IKBKB: variants seen among roughly 807,000 people sequenced by gnomAD.
The protein encoded by IKBKB is inhibitor of nuclear factor kappa-B kinase subunit beta.
In IKBKB, 42 loss-of-function variants were observed where a neutral mutation model predicts 113.6. The observed-to-expected ratio is 0.37, with a 90% CI of 0.29 to 0.48. The LOEUF is 0.48. Ranked by LOEUF, IKBKB falls within the 20% of genes least tolerant of loss-of-function variation. The pLI is 0.99. For synonymous variants in IKBKB, 296 were observed against 361.3 expected, an observed-to-expected ratio of 0.82 and a Z score of 2.05; for missense variants, 673 against 939.7, an observed-to-expected ratio of 0.72 and a Z score of 3.71.
chr8:42,328,243 G>A (rs1172960579), intron 20 of IKBKB, among the ~76,000 whole-genome samples: 7 of 148,798 alleles, frequency 4.7e-5, no homozygotes, highest in African/African-American at 1.7e-4. Flanking sequence ...CACCGCACCC[G>A]GCCCTTTTTT....
At chr8:42,311,764 C>T (rs1585734120) in intron 8 of IKBKB, among the ~76,000 whole-genome samples, 1 of 151,996 alleles carries the variant, frequency 6.6e-6, no homozygotes, top group Non-Finnish European at 1.5e-5. Flanking sequence ...AGGCATTGCT[C>T]CTTTAGCTAC....
At chr8:42,273,406 C>A (rs1364870860) in intron 2 of IKBKB, among the ~76,000 whole-genome samples, 1 of 144,304 alleles carries the variant, frequency 6.9e-6, no homozygotes, top group South Asian at 2.1e-4. Context: ...CAGAATGAGA[C>A]CCTGTCTCAA....
chr8:42,300,979 C>G (rs1489679204), intron 5 of IKBKB, among the ~76,000 whole-genome samples: 1 of 152,200 alleles, frequency 6.6e-6, no homozygotes, highest in Admixed American at 6.5e-5. Context: ...CTCAGTCTCC[C>G]ACGTAGCTGG....
At chr8:42,271,709 C>T (rs895126300) in intron 1 of IKBKB, 10 of 514,864 alleles carry the variant, frequency 1.9e-5, no homozygotes, top group African/African-American at 4.1e-5. Flanking sequence ...TGTAAAGAAA[C>T]ACGTGACCTC....
chr8:42,290,431 T>C (rs998972287), intron 4 of IKBKB, among the ~76,000 whole-genome samples, 158 bp downstream of exon 4: 11 of 152,050 alleles, frequency 7.2e-5, no homozygotes, highest in African/African-American at 2.4e-4. Flanking sequence ...CTCTGTTCCC[T>C]GCCCACCTGG....
intron 8 of IKBKB, among the ~76,000 whole-genome samples, chr8:42,311,939 T>G (rs1042796037): frequency 6.6e-6 from 1 of 152,128 alleles, no homozygotes; most frequent in Non-Finnish European, 1.5e-5. Flanking sequence ...CAGGCTGGAG[T>G]GTAGTGGCGC....
At chr8:42,296,589 C>T (rs1162417081) in intron 5 of IKBKB, among the ~76,000 whole-genome samples, 1 of 150,984 alleles carries the variant, frequency 6.6e-6, no homozygotes. Flanking sequence ...GCAGAGGTTG[C>T]AGTGAGCCAA....
In IKBKB at chr8:42,294,688, G is replaced by A. The variant is rs566196888; in HGVS notation, c.388+1176G>A. Among the ~76,000 whole-genome samples, 4 of 152,350 alleles carry A rather than the reference G, an allele frequency of 2.6e-5. No individual in the cohort carries two copies. The East Asian group carries it at 5.8e-4, about 22-fold the overall frequency. ...TGGGTGGAGTTCACATGGAGGATACGTTGACATTACATCAGTTTTATTTGA... is the reference window on the plus strand; with the variant it reads ...TGGGTGGAGTTCACATGGAGGATACATTGACATTACATCAGTTTTATTTGA... On this transcript the variant is annotated intron_variant, in intron 5 of 21. Transcript: ENST00000520810.
chr8:42,308,751 C>G (rs1349404603), intron 7 of IKBKB, 150 bp from the exon 8 acceptor site: 1 of 682,022 alleles, frequency 1.5e-6, no homozygotes, highest in East Asian at 2.6e-5. Context: ...ACCCGCTAAA[C>G]ATGCCTGGGG....
At chr8:42,319,742 T>C in intron 15 of IKBKB, 96 bp downstream of exon 15, 1 of 1,065,136 alleles carries the variant, frequency 9.4e-7, no homozygotes, top group Non-Finnish European at 1.4e-6. Flanking sequence ...TCGATCTCTG[T>C]CAAAAATCAG....
At chr8:42,314,876 A>C (rs527836118) in intron 9 of IKBKB, among the ~76,000 whole-genome samples, 1 of 152,212 alleles carries the variant, frequency 6.6e-6, no homozygotes, top group Non-Finnish European at 1.5e-5. Flanking sequence ...AAATTAACAT[A>C]GTCCTTCTTA....
At chr8:42,303,095 G>A (rs968677166) in intron 5 of IKBKB, among the ~76,000 whole-genome samples, 17 of 129,306 alleles carry the variant, frequency 1.3e-4, no homozygotes, top group South Asian at 3.0e-4. Flanking sequence ...GAGAGAATGA[G>A]AGAGAGAGAG....
chr8:42,323,635 G>A (rs1418939281), intron 19 of IKBKB, among the ~76,000 whole-genome samples: 1 of 152,232 alleles, frequency 6.6e-6, no homozygotes, highest in Non-Finnish European at 1.5e-5. Context: ...GATTCTCATT[G>A]TCAAAGGCAG....
intron 6 of IKBKB, among the ~76,000 whole-genome samples, chr8:42,305,850 G>A (rs1816416013): frequency 6.6e-6 from 1 of 152,238 alleles, no homozygotes; most frequent in Admixed American, 6.5e-5. Context: ...TCAGCTGAGT[G>A]GAATACAGTG....
At chr8:42,298,200 G>A (rs1814313739) in intron 5 of IKBKB, 3 of 985,344 alleles carry the variant, frequency 3.0e-6, no homozygotes, top group African/African-American at 1.7e-5. Context: ...AGGGCAGGCT[G>A]TGGTGCTCTC....
rs371211963 is a variant in IKBKB at position 42,331,009 on chromosome 8, G to T, written c.*30G>T. The T allele has an allele frequency of 5.0e-6, 8 of 1,601,996 alleles. No individual in the cohort carries two copies. The African/African-American group carries it at 1.1e-4, about 21-fold the overall frequency. ...GGGGGACTCGACCCCCTGACATGGG[G>T]CAGCCCATAGCAGGCCTTGTGCAGT... On this transcript the variant is annotated 3_prime_UTR_variant, in exon 22 of 22. Transcript: ENST00000520810.
chr8:42,271,415 C>A lies in IKBKB; in HGVS notation c.-73C>A. 7 of 1,499,476 alleles carry A rather than the reference C, an allele frequency of 4.7e-6. No individual in the cohort carries two copies. The highest frequency in any genetic ancestry group is 6.3e-6 in the Non-Finnish European group (7 of 1,117,778). 92.9% of individuals were successfully genotyped at this position (1,499,476 alleles called of 1,614,324 possible). A position where few individuals can be genotyped will look rare whatever the true frequency, so the allele number is the denominator to read the frequency against. Reference sequence around the variant, plus strand: ...ATAGCCCCGGGTTTGGCCGCCCCAGCCCCGCCTTCCCCGCCCCGGGGAGCC... The same window carrying A: ...ATAGCCCCGGGTTTGGCCGCCCCAGACCCGCCTTCCCCGCCCCGGGGAGCC... On this transcript the variant is annotated 5_prime_UTR_variant, in exon 1 of 22. Transcript: ENST00000520810.
intron 21 of IKBKB, among the ~76,000 whole-genome samples, chr8:42,330,620 C>T (rs534223855): frequency 7.2e-5 from 11 of 152,202 alleles, no homozygotes; most frequent in Non-Finnish European, 1.2e-4. Flanking sequence ...AAGTGATTCT[C>T]CTGCCTCAGC....
At position 42,296,420 on chromosome 8, in the gene IKBKB, C is replaced by T. The variant is rs973112471; in HGVS notation, c.388+2908C>T. Among the ~76,000 whole-genome samples, 13 of 152,214 alleles carry T rather than the reference C, an allele frequency of 8.5e-5. 1 individual carries two copies. The highest frequency in any genetic ancestry group is 5.8e-4 in the East Asian group (3 of 5,180). The stretch of plus-strand genomic sequence containing the variant: ...GCCGAGGTGGGCAGATCACGAGGTC[C>T]GGAGTTCGAGGCCAGCCTGGCCAAC... On this transcript the variant is annotated intron_variant, in intron 5 of 21. Coordinates refer to ENST00000520810, the MANE Select transcript of IKBKB (RefSeq NM_001556.3).
Sources: allele counts gnomAD v4.1 joint callset (sites outside exome capture counted in the v4.1 genomes callset), GRCh38; gene constraint gnomAD v4.1.1; transcripts MANE v1.5; gene names NCBI Gene and HGNC (gene_info 2026-07-23, HGNC 2026-07-21).